SLC28A3: variants seen among roughly 807,000 people sequenced by gnomAD.
The protein encoded by SLC28A3 is solute carrier family 28 member 3.
Under a neutral mutation model 84.2 loss-of-function variants are expected in SLC28A3, and 68 were observed. The observed-to-expected ratio is 0.81, with a 90% confidence interval of 0.66 to 0.99. SLC28A3 has a LOEUF of 0.99. SLC28A3 is among the 50% of genes least tolerant of loss of function. SLC28A3 has a pLI of 0.00. For missense variants in SLC28A3, 712 were observed against 841.5 expected, an observed-to-expected ratio of 0.85 and a Z score of 1.90; for synonymous variants, 267 against 303.6, an observed-to-expected ratio of 0.88 and a Z score of 1.25.
the SLC28A3 span, among the ~76,000 whole-genome samples, chr9:84,352,622 C>T: frequency 6.6e-6 from 1 of 151,702 alleles, no homozygotes; most frequent in Non-Finnish European, 1.5e-5. Flanking sequence ...TGGTGGCTGA[C>T]ACCTGTAATC....
the SLC28A3 span, among the ~76,000 whole-genome samples, chr9:84,357,802 C>T: frequency 1.3e-5 from 2 of 152,242 alleles, no homozygotes; most frequent in South Asian, 2.1e-4. Context: ...AAACTATGGC[C>T]GTGAGATAAC....
At chr9:84,319,265 T>C (rs1826280661) in intron 1 of SLC28A3, among the ~76,000 whole-genome samples, 1 of 152,210 alleles carries the variant, frequency 6.6e-6, no homozygotes, top group South Asian at 2.1e-4. Flanking sequence ...ACATTAACCA[T>C]ATCAAGAATA....
At chr9:84,342,140 A>G (rs902868575), upstream of SLC28A3, among the ~76,000 whole-genome samples, 11 of 133,038 alleles carry the variant, frequency 8.3e-5, no homozygotes, top group African/African-American at 3.2e-4. Flanking sequence ...AAAAAAAAAA[A>G]AAAAGAAAAG....
intron 3 of SLC28A3, among the ~76,000 whole-genome samples, 177 bp from the exon 4 acceptor site, chr9:84,305,522 T>C (rs1477757613): frequency 1.3e-5 from 2 of 152,198 alleles, no homozygotes; most frequent in African/African-American, 2.4e-5. Context: ...GAGTCAGCCA[T>C]GATCATGACC....
the SLC28A3 span, among the ~76,000 whole-genome samples, chr9:84,366,727 C>T: frequency 6.6e-6 from 1 of 152,204 alleles, no homozygotes; most frequent in African/African-American, 2.4e-5. Flanking sequence ...CCCTTACTTT[C>T]TCCCAAACAA....
intron 17 of SLC28A3, among the ~76,000 whole-genome samples, chr9:84,278,556 A>G (rs763870843): frequency 3.9e-5 from 6 of 152,322 alleles, no homozygotes; most frequent in Admixed American, 6.5e-5. Flanking sequence ...TTCCTCCATA[A>G]CAAGCAAAGA....
chr9:84,305,521 A>G (rs1358287108), intron 3 of SLC28A3, among the ~76,000 whole-genome samples, 176 bp from the exon 4 acceptor site: 1 of 152,230 alleles, frequency 6.6e-6, no homozygotes, highest in African/African-American at 2.4e-5. Context: ...AGAGTCAGCC[A>G]TGATCATGAC....
At chr9:84,328,256 T>C (rs1395173447) in intron 1 of SLC28A3, among the ~76,000 whole-genome samples, 1 of 149,988 alleles carries the variant, frequency 6.7e-6, no homozygotes, top group East Asian at 1.9e-4. Context: ...TATAAATGGA[T>C]TATACCCTTT....
At chr9:84,320,542 G>T in intron 1 of SLC28A3, among the ~76,000 whole-genome samples, 1 of 151,776 alleles carries the variant, frequency 6.6e-6, no homozygotes, top group African/African-American at 2.4e-5. Flanking sequence ...TTCCTTTCCT[G>T]TGCTGTATCA....
At chr9:84,303,069 A>G (rs1588587427) in intron 4 of SLC28A3, among the ~76,000 whole-genome samples, 1 of 152,124 alleles carries the variant, frequency 6.6e-6, no homozygotes, top group Non-Finnish European at 1.5e-5. Context: ...GTCCTAAGTC[A>G]CCCAACCAAC....
At chr9:84,351,124 A>G in the SLC28A3 span, among the ~76,000 whole-genome samples, 2 of 152,226 alleles carry the variant, frequency 1.3e-5, no homozygotes, top group African/African-American at 4.8e-5. Context: ...TTTTCTTTAT[A>G]GTCTTATTCT....
At chr9:84,328,433 G>A (rs1449232625) in intron 1 of SLC28A3, among the ~76,000 whole-genome samples, 2 of 151,750 alleles carry the variant, frequency 1.3e-5, no homozygotes, top group African/African-American at 4.8e-5. Flanking sequence ...TCCCAGCCTG[G>A]GCAACATGGT....
chr9:84,326,532 G>A (rs891056180), intron 1 of SLC28A3, among the ~76,000 whole-genome samples: 2 of 152,128 alleles, frequency 1.3e-5, no homozygotes, highest in African/African-American at 4.8e-5. Flanking sequence ...TGCCTTGTGA[G>A]CCAATTAAAG....
chr9:84,362,689 A>G, the SLC28A3 span, among the ~76,000 whole-genome samples: 4 of 151,788 alleles, frequency 2.6e-5, no homozygotes, highest in South Asian at 6.2e-4. Context: ...AAATAAATTT[A>G]GGACTGATTG....
rs561682177 is a variant in SLC28A3 at position 84,277,766 on chromosome 9, A to C, written c.*452T>G. 25 of 154,488 alleles carry C rather than the reference A, an allele frequency of 1.6e-4. No individual in the cohort carries two copies. Among genetic ancestry groups the C allele is most frequent in the Middle Eastern group, 3.3e-3 (1 of 300 alleles). The allele number at this position is 154,488 out of a possible 1,614,324, so 9.6% of individuals were successfully genotyped here. ...ACTAGTTTTCCCTTATGTGAGATTC[A>C]AGTTCAGGCTATTTCAGGTAAGCCA... is the stretch of plus-strand genomic sequence containing the variant. On this transcript the variant is annotated 3_prime_UTR_variant, in exon 18 of 18. Coordinates refer to ENST00000376238, the MANE Select transcript of SLC28A3 (RefSeq NM_001199633.2).
the SLC28A3 span, among the ~76,000 whole-genome samples, chr9:84,347,480 A>G: frequency 2.0e-5 from 3 of 152,332 alleles, no homozygotes; most frequent in East Asian, 5.8e-4. Context: ...TCTGGAAAGA[A>G]ATGAAACCCA....
rs2117987690 is a variant in SLC28A3 at position 84,275,896 on chromosome 9, CAGAA to C, written c.*2318_*2321del. Reference sequence around the variant, plus strand: ...TATAAAGAAATGTCACACGTACACACAGAAAGGTCATATCAAAGCAGGTAAAAAT... The same window carrying C: ...TATAAAGAAATGTCACACGTACACACAGGTCATATCAAAGCAGGTAAAAAT... On this transcript the variant is annotated 3_prime_UTR_variant, in exon 18 of 18. Coordinates refer to ENST00000376238, the MANE Select transcript of SLC28A3 (RefSeq NM_001199633.2). 6.6e-6 allele frequency: 1 copy of C among 152,288 alleles called. No individual in the cohort carries two copies. The highest frequency in any genetic ancestry group is 1.9e-4 in the East Asian group (1 of 5,182). The allele number at this position is 152,288 out of a possible 1,614,324, so 9.4% of individuals were successfully genotyped here. A position where few individuals can be genotyped will look rare whatever the true frequency, so the allele number is the denominator to read the frequency against.
the SLC28A3 span, among the ~76,000 whole-genome samples, chr9:84,360,007 A>T: frequency 6.7e-6 from 1 of 150,028 alleles, no homozygotes; most frequent in Non-Finnish European, 1.5e-5. Context: ...TGTCTCAAAA[A>T]AAAAAAAAAA....
intron 5 of SLC28A3, among the ~76,000 whole-genome samples, chr9:84,301,276 G>C (rs909832780): frequency 6.7e-6 from 1 of 150,292 alleles, no homozygotes; most frequent in African/African-American, 2.5e-5. Context: ...TTTGAACCCA[G>C]GAGGCGGAGG....
Sources: allele counts gnomAD v4.1 joint callset (sites outside exome capture counted in the v4.1 genomes callset), GRCh38; gene constraint gnomAD v4.1.1; transcripts MANE v1.5; gene names NCBI Gene and HGNC (gene_info 2026-07-23, HGNC 2026-07-21).